The following CREB5 variants were observed in gnomAD, a reference collection of about 807,000 sequenced individuals.
The protein encoded by CREB5 is cAMP responsive element binding protein 5.
In CREB5, 19 loss-of-function variants were observed where a neutral mutation model predicts 57.1. The observed-to-expected ratio is 0.33, with a 90% confidence interval of 0.23 to 0.49. The LOEUF (loss-of-function observed/expected upper bound fraction) is 0.49. CREB5 is among the 20% of genes least tolerant of loss of function. The probability of loss-of-function intolerance (pLI) is 0.99; values close to 1 mark genes in which losing one functional copy is unlikely to be tolerated. For synonymous variants in CREB5, 238 were observed against 238.3 expected, an observed-to-expected ratio of 1.00 and a Z score of 0.01; for missense variants, 579 against 671.6, an observed-to-expected ratio of 0.86 and a Z score of 1.52.
chr7:28,560,955 TGTGTGC>T (rs1795212446), intron 4 of CREB5, among the ~76,000 whole-genome samples: 3 of 22,170 alleles, frequency 1.4e-4, no homozygotes, highest in East Asian at 2.7e-3. Context: ...TGTGTGCGTG[TGTGTGC>T]GTGTGTGTGT....
At chr7:28,798,428 C>T (rs1356899360) in intron 7 of CREB5, among the ~76,000 whole-genome samples, 1 of 152,160 alleles carries the variant, frequency 6.6e-6, no homozygotes, top group Non-Finnish European at 1.5e-5. Context: ...AGCATGCACG[C>T]TCGTGGCAGT....
chr7:28,705,439 G>A (rs775937333), intron 5 of CREB5, among the ~76,000 whole-genome samples: 18 of 151,876 alleles, frequency 1.2e-4, no homozygotes, highest in Non-Finnish European at 2.4e-4. Context: ...ATTTTTGGGG[G>A]AACACTTACC....
chr7:28,695,976 T>C (rs1348675222), intron 5 of CREB5, among the ~76,000 whole-genome samples: 4 of 152,248 alleles, frequency 2.6e-5, no homozygotes, highest in Non-Finnish European at 5.9e-5. Flanking sequence ...TCATAGTTGT[T>C]TTAATGACTT....
At position 28,512,038 on chromosome 7, in the gene CREB5, T is replaced by C. The variant is rs547229639; in HGVS notation, c.291+4301T>C. On this transcript the variant is annotated intron_variant, in intron 4 of 10. Coordinates refer to ENST00000357727, the MANE Select transcript of CREB5 (RefSeq NM_182898.4). ...GCTGATGGTTTAGATTGGGAAGTAATAGAAGCAGCAAAACCAAGGATGAAC... is the reference window on the plus strand; with the variant it reads ...GCTGATGGTTTAGATTGGGAAGTAACAGAAGCAGCAAAACCAAGGATGAAC... 2.6e-5 allele frequency among the ~76,000 whole-genome samples: 4 copies of C among 152,258 alleles called. No homozygotes were observed. In the East Asian group the frequency reaches 5.8e-4, roughly 22 times the overall value.
chr7:28,807,020 C>T (rs1019879238), intron 8 of CREB5, among the ~76,000 whole-genome samples: 1 of 152,214 alleles, frequency 6.6e-6, no homozygotes, highest in African/African-American at 2.4e-5. Flanking sequence ...ATGACAAGTG[C>T]TAAGCCCCTG....
chr7:28,686,614 G>A (rs1345294598), intron 5 of CREB5, among the ~76,000 whole-genome samples: 1 of 152,228 alleles, frequency 6.6e-6, no homozygotes, highest in Non-Finnish European at 1.5e-5. Context: ...GAGACAGGGA[G>A]AGAGTTAAAA....
intron 1 of CREB5, among the ~76,000 whole-genome samples, chr7:28,470,729 G>T (rs953879356): frequency 6.6e-6 from 1 of 151,948 alleles, no homozygotes; most frequent in Non-Finnish European, 1.5e-5. Context: ...CCACATCCTC[G>T]CCAGCATTTG....
intron 7 of CREB5, among the ~76,000 whole-genome samples, chr7:28,752,263 T>C (rs1368420417): frequency 1.3e-5 from 2 of 152,084 alleles, no homozygotes; most frequent in Non-Finnish European, 2.9e-5. Context: ...GCCTCTCGGG[T>C]TCAAGTGATT....
intron 5 of CREB5, among the ~76,000 whole-genome samples, chr7:28,583,308 G>C (rs960396696): frequency 6.6e-6 from 1 of 152,190 alleles, no homozygotes; most frequent in South Asian, 2.1e-4. Context: ...ATCAATTTCC[G>C]GGAGAACCAG....
intron 1 of CREB5, among the ~76,000 whole-genome samples, chr7:28,467,091 C>T (rs1381866285): frequency 1.9e-4 from 29 of 152,202 alleles, no homozygotes; most frequent in Admixed American, 1.9e-3. Context: ...TAGAGACACA[C>T]AGTCACTACT....
At chr7:28,560,809 CGTGTGTGT>C (rs1262271618) in intron 4 of CREB5, among the ~76,000 whole-genome samples, 1 of 19,370 alleles carries the variant, frequency 5.2e-5, no homozygotes, top group Admixed American at 6.3e-4. Flanking sequence ...TGTGTGTGCG[CGTGTGTGT>C]GTGTGCGCGC....
At chr7:28,399,295 A>G (rs931342631) in intron 1 of CREB5, among the ~76,000 whole-genome samples, 11 of 151,946 alleles carry the variant, frequency 7.2e-5, no homozygotes, top group Admixed American at 6.6e-4. Flanking sequence ...AAAAAAATCT[A>G]CAAAATAAGT....
chr7:28,443,719 C>A (rs911007621), intron 1 of CREB5, among the ~76,000 whole-genome samples: 1 of 152,162 alleles, frequency 6.6e-6, no homozygotes, highest in African/African-American at 2.4e-5. Context: ...CCCACTTAAC[C>A]CCTCTCCTCC....
chr7:28,502,883 T>C (rs953867828), intron 3 of CREB5, among the ~76,000 whole-genome samples: 5 of 152,212 alleles, frequency 3.3e-5, no homozygotes, highest in Non-Finnish European at 7.3e-5. Context: ...GAAAAACACA[T>C]AATACAAATG....
chr7:28,819,102 T>C lies in CREB5; in HGVS notation c.1364-14T>C. On this transcript the variant is annotated splice_polypyrimidine_tract_variant and intron_variant, in intron 10 of 10. Transcript: ENST00000357727. Reference sequence around the variant, plus strand: ...GTGTGTATGTGTGTGTGTTGTCTTTTTTTTTCTCCCTAGGTCCAGAGAGTA... The same window carrying C: ...GTGTGTATGTGTGTGTGTTGTCTTTCTTTTTCTCCCTAGGTCCAGAGAGTA... 3 of 1,609,350 alleles carry C rather than the reference T, an allele frequency of 1.9e-6. No homozygotes were observed. The highest frequency in any genetic ancestry group is 2.5e-6 in the Non-Finnish European group (3 of 1,177,982).
intron 3 of CREB5, among the ~76,000 whole-genome samples, chr7:28,505,112 AATT>A (rs1792426739): frequency 2.6e-5 from 4 of 152,210 alleles, no homozygotes; most frequent in Non-Finnish European, 5.9e-5. Flanking sequence ...CAGGAAAAAT[AATT>A]TTTACATAAT....
chr7:28,528,732 C>T (rs1333987264), intron 4 of CREB5, among the ~76,000 whole-genome samples: 3 of 137,496 alleles, frequency 2.2e-5, no homozygotes, highest in African/African-American at 5.4e-5. Flanking sequence ...AAAAAAAGAG[C>T]GTGATTATAA....
intron 1 of CREB5, among the ~76,000 whole-genome samples, chr7:28,464,943 A>G (rs1274999335): frequency 6.6e-6 from 1 of 152,180 alleles, no homozygotes; most frequent in East Asian, 1.9e-4. Flanking sequence ...GGCACATATG[A>G]TTATATAATT....
intron 9 of CREB5, among the ~76,000 whole-genome samples, chr7:28,809,877 A>G (rs990455752): frequency 6.6e-6 from 1 of 152,198 alleles, no homozygotes; most frequent in African/African-American, 2.4e-5. Context: ...GGAGCTTTTC[A>G]TTAATTATAT....
Sources: gnomAD v4.1 joint callset for allele counts (sites outside exome capture counted in the v4.1 genomes callset) on GRCh38, gnomAD v4.1.1 for gene constraint, MANE v1.5 for transcripts, NCBI Gene and HGNC (gene_info 2026-07-23, HGNC 2026-07-21) for gene names.